Variants in P2RY14 observed in about 807,000 individuals in gnomAD.
P2RY14 encodes the protein P2Y purinoceptor 14.
In P2RY14, 2 loss-of-function variants were observed where a neutral mutation model predicts 0.9. The observed-to-expected ratio is 2.16, with a 90% CI of 0.88 to 6.79. The LOEUF (loss-of-function observed/expected upper bound fraction) is 6.79, where lower values mean the gene tolerates loss of function less well. Ranked by LOEUF, P2RY14 falls within the 30% of genes most tolerant of loss-of-function variation. The probability of loss-of-function intolerance (pLI) is 0.05; values close to 1 mark genes in which losing one functional copy is unlikely to be tolerated. For missense variants in P2RY14, 378 were observed against 400.1 expected (o/e 0.94, Z 0.47); for synonymous variants, 158 against 147.2 (o/e 1.07, Z -0.53).
At position 151,213,631 on chromosome 3, in the gene P2RY14, T is replaced by A; in HGVS notation, c.686A>T (p.Lys229Met). 1 of 1,614,158 alleles carries A rather than the reference T, an allele frequency of 6.2e-7. No homozygotes were observed. Among genetic ancestry groups the A allele is most frequent in the Non-Finnish European group, 8.5e-7 (1 of 1,180,014 alleles). ...KSSRNSTSVK[K>M]KSSRNIFSIV... is the part of the protein sequence containing the mutation. ...GCTGAATATGTTGCGGCTAGATTTCTTTTTGACCGAAGTGGAATTCCGACT... is the reference window on the plus strand; with the variant it reads ...GCTGAATATGTTGCGGCTAGATTTCATTTTGACCGAAGTGGAATTCCGACT... Residue 229 changes from lysine to methionine, a missense_variant, in exon 3 of 3, where the codon AAG becomes ATG. Transcript: ENST00000309170.
rs1363953064 is a variant in P2RY14, at chr3:151,212,861, C to G, written c.*439G>C. 2 of 151,964 alleles carry G rather than the reference C, an allele frequency of 1.3e-5. No homozygotes were observed. Among genetic ancestry groups the G allele is most frequent in the Non-Finnish European group, 2.9e-5 (2 of 68,194 alleles). 9.4% of individuals were successfully genotyped at this position (151,964 alleles called of 1,614,324 possible). Reference sequence around the variant, plus strand: ...TCTCTAGCCCTTCATCAAACTGTGCCTGCTTTCAAGTTAGTCTTTAAGGAC... The same window carrying G: ...TCTCTAGCCCTTCATCAAACTGTGCGTGCTTTCAAGTTAGTCTTTAAGGAC... On this transcript the variant is annotated 3_prime_UTR_variant, in exon 3 of 3. Transcript: ENST00000309170.
chr3:151,239,214 C>A (rs1733578084), intron 1 of P2RY14, among the ~76,000 whole-genome samples: 1 of 152,106 alleles, frequency 6.6e-6, no homozygotes, highest in South Asian at 2.1e-4. Context: ...TAAAATTGGG[C>A]ATAAGTAAAA....
intron 1 of P2RY14, among the ~76,000 whole-genome samples, chr3:151,253,268 G>A (rs868813898): frequency 1.3e-5 from 2 of 152,066 alleles, no homozygotes; most frequent in African/African-American, 4.8e-5. Flanking sequence ...TTAATTGAGA[G>A]GCACGTATAC....
chr3:151,272,758 G>A (rs1031267993), intron 1 of P2RY14, among the ~76,000 whole-genome samples: 6 of 151,974 alleles, frequency 3.9e-5, no homozygotes, highest in Admixed American at 2.0e-4. Flanking sequence ...TTCCTTGTAT[G>A]AGTGTTAATG....
intron 1 of P2RY14, among the ~76,000 whole-genome samples, chr3:151,257,939 C>T (rs1296054168): frequency 6.6e-6 from 1 of 152,214 alleles, no homozygotes; most frequent in Non-Finnish European, 1.5e-5. Context: ...CCTTCCCTCT[C>T]TAGCTTCTTT....
At chr3:151,254,971 G>C (rs1211609935) in intron 1 of P2RY14, among the ~76,000 whole-genome samples, 8 of 152,088 alleles carry the variant, frequency 5.3e-5, no homozygotes, top group Non-Finnish European at 1.2e-4. Flanking sequence ...ACTTTGCCTT[G>C]CTGCTCTTTT....
chr3:151,251,572 A>G (rs1173920435), intron 1 of P2RY14, among the ~76,000 whole-genome samples: 4 of 152,148 alleles, frequency 2.6e-5, no homozygotes, highest in Non-Finnish European at 4.4e-5. Context: ...TACTTAAAAG[A>G]TAAGTTCATG....
intron 1 of P2RY14, among the ~76,000 whole-genome samples, chr3:151,223,530 T>A (rs568729934): frequency 6.6e-6 from 1 of 152,314 alleles, no homozygotes; most frequent in East Asian, 1.9e-4. Context: ...AATCATGTCC[T>A]TTGCAGCAAC....
intron 1 of P2RY14, among the ~76,000 whole-genome samples, chr3:151,254,687 T>C (rs1737493592): frequency 6.6e-6 from 1 of 152,246 alleles, no homozygotes; most frequent in African/African-American, 2.4e-5. Flanking sequence ...GATAAAACTT[T>C]CGCAGCATAG....
intron 1 of P2RY14, among the ~76,000 whole-genome samples, chr3:151,228,682 T>A (rs1019154571): frequency 1.3e-5 from 2 of 151,966 alleles, no homozygotes; most frequent in African/African-American, 2.4e-5. Context: ...AAGTCCAGAG[T>A]GTTTCAGTTC....
chr3:151,239,244 A>G (rs1733585671), intron 1 of P2RY14, among the ~76,000 whole-genome samples: 1 of 152,266 alleles, frequency 6.6e-6, no homozygotes, highest in Non-Finnish European at 1.5e-5. Flanking sequence ...TTAAAGGTCA[A>G]GACCAAAAGA....
chr3:151,228,347 A>G (rs930659611), intron 1 of P2RY14, among the ~76,000 whole-genome samples: 1 of 152,210 alleles, frequency 6.6e-6, no homozygotes, highest in Non-Finnish European at 1.5e-5. Context: ...TCCTGTTCCC[A>G]TAAGAATCAA....
chr3:151,261,318 C>A (rs1738842886), intron 1 of P2RY14: 1 of 152,000 alleles, frequency 6.6e-6, no homozygotes, highest in African/African-American at 2.4e-5. Flanking sequence ...AAGCTGGTTT[C>A]TAATCTAATA....
chr3:151,239,457 A>T (rs765284525), intron 1 of P2RY14, among the ~76,000 whole-genome samples: 1 of 152,246 alleles, frequency 6.6e-6, no homozygotes, highest in African/African-American at 2.4e-5. Context: ...GGAAGTGGAT[A>T]TGAGAATCCA....
intron 1 of P2RY14, among the ~76,000 whole-genome samples, chr3:151,227,217 C>T (rs1257552076): frequency 6.6e-6 from 1 of 152,222 alleles, no homozygotes; most frequent in East Asian, 1.9e-4. Flanking sequence ...GCTAAGTTTT[C>T]ACATTAGAAA....
At chr3:151,214,980 A>G (rs1239989718) in intron 2 of P2RY14, among the ~76,000 whole-genome samples, 1 of 152,224 alleles carries the variant, frequency 6.6e-6, no homozygotes, top group East Asian at 1.9e-4. Flanking sequence ...AGAGCTATTC[A>G]GACGGACCTT....
At chr3:151,254,738 G>A (rs569412872) in intron 1 of P2RY14, among the ~76,000 whole-genome samples, 19 of 152,310 alleles carry the variant, frequency 1.2e-4, no homozygotes, top group African/African-American at 4.1e-4. Flanking sequence ...GAGGAGATTC[G>A]TGTTGACAAA....
At position 151,212,367 on chromosome 3, in the gene P2RY14, C is replaced by T. The variant is rs1398595820; in HGVS notation, c.*933G>A. 1 of 152,062 alleles carries T rather than the reference C, an allele frequency of 6.6e-6. No homozygotes were observed. The highest frequency in any genetic ancestry group is 1.5e-5 in the Non-Finnish European group (1 of 68,010). The allele number at this position is 152,062 out of a possible 1,614,324, so 9.4% of individuals were successfully genotyped here. A position where few individuals can be genotyped will look rare whatever the true frequency, so the allele number is the denominator to read the frequency against. On this transcript the variant is annotated 3_prime_UTR_variant, in exon 3 of 3. Transcript: ENST00000309170. ...AATTTTCATTTTATGTGTTATTTTG[C>T]ACTCATTAATGTAAATTTTAGATTT...
At chr3:151,243,798 T>G (rs1734759351) in intron 1 of P2RY14, among the ~76,000 whole-genome samples, 1 of 151,458 alleles carries the variant, frequency 6.6e-6, no homozygotes, top group South Asian at 2.1e-4. Context: ...GACTAAATGC[T>G]CCAATTAAAC....
Sources: allele counts gnomAD v4.1 joint callset (sites outside exome capture counted in the v4.1 genomes callset), GRCh38; gene constraint gnomAD v4.1.1; transcripts MANE v1.5; gene names NCBI Gene and HGNC (gene_info 2026-07-23, HGNC 2026-07-21).